Variants in RANBP17 observed in about 807,000 individuals in gnomAD.
The protein encoded by RANBP17 is RAN binding protein 17, also known as ran-binding protein 17.
In RANBP17, 158 loss-of-function variants were observed where a neutral mutation model predicts 141.2. That is an observed-to-expected ratio of 1.12 (90% CI 0.98 to 1.28). The LOEUF is 1.28. RANBP17 is among the 50% of genes most tolerant of loss of function. RANBP17 has a pLI of 0.00. For synonymous variants in RANBP17, 430 were observed against 450.0 expected, an observed-to-expected ratio of 0.96 and a Z score of 0.56; for missense variants, 1,438 against 1,290.7, an observed-to-expected ratio of 1.11 and a Z score of -1.75.
chr5:171,119,962 A>G (rs1755903677), intron 14 of RANBP17, among the ~76,000 whole-genome samples: 1 of 147,618 alleles, frequency 6.8e-6, no homozygotes, highest in Admixed American at 7.0e-5. Flanking sequence ...GCTTGAACCC[A>G]GGAGGTGGAG....
intron 12 of RANBP17, among the ~76,000 whole-genome samples, chr5:170,933,834 C>G (rs1178566587): frequency 6.6e-6 from 1 of 152,084 alleles, no homozygotes; most frequent in Non-Finnish European, 1.5e-5. Context: ...TTACTTCCAA[C>G]TATGTGGTCA....
intron 22 of RANBP17, among the ~76,000 whole-genome samples, chr5:171,235,911 A>G (rs1304099349): frequency 6.6e-6 from 1 of 152,200 alleles, no homozygotes; most frequent in African/African-American, 2.4e-5. Flanking sequence ...AATATTTTTA[A>G]TAAGTGTCAC....
chr5:170,974,612 G>A (rs1328246044), intron 14 of RANBP17, among the ~76,000 whole-genome samples: 1 of 152,096 alleles, frequency 6.6e-6, no homozygotes, highest in Non-Finnish European at 1.5e-5. Context: ...ACTTTCTCTG[G>A]TGGCCCTGTC....
At chr5:170,876,124 C>T (rs1466205926) in intron 1 of RANBP17, among the ~76,000 whole-genome samples, 1 of 152,156 alleles carries the variant, frequency 6.6e-6, no homozygotes, top group Non-Finnish European at 1.5e-5. Context: ...CTGTTCCTTT[C>T]TCTGGGATCT....
At chr5:170,863,524 C>T (rs1227855473) in intron 1 of RANBP17, 1 of 152,062 alleles carries the variant, frequency 6.6e-6, no homozygotes, top group Non-Finnish European at 1.5e-5. Context: ...GACTTCATGC[C>T]ATTTCTAAGG....
At chr5:171,203,160 A>G (rs1333466244) in intron 19 of RANBP17, among the ~76,000 whole-genome samples, 3 of 152,178 alleles carry the variant, frequency 2.0e-5, no homozygotes, top group African/African-American at 7.2e-5. Context: ...CTTCAGACCA[A>G]TCTTGTGTTG....
At chr5:170,868,035 C>T (rs1767417407) in intron 1 of RANBP17, among the ~76,000 whole-genome samples, 1 of 152,142 alleles carries the variant, frequency 6.6e-6, no homozygotes. Flanking sequence ...ACTATCAACA[C>T]GTGTGGCTTT....
chr5:171,126,748 A>T (rs563839596), intron 14 of RANBP17, among the ~76,000 whole-genome samples: 2 of 152,312 alleles, frequency 1.3e-5, no homozygotes, highest in South Asian at 4.1e-4. Context: ...TTCTGTACAC[A>T]TACAACTTAC....
At chr5:171,105,755 T>C (rs1754781315) in intron 14 of RANBP17, among the ~76,000 whole-genome samples, 1 of 152,158 alleles carries the variant, frequency 6.6e-6, no homozygotes, top group Non-Finnish European at 1.5e-5. Context: ...CTTATATCTT[T>C]GACTTGCAAA....
intron 22 of RANBP17, among the ~76,000 whole-genome samples, chr5:171,237,106 G>A (rs146720831): frequency 5.0e-4 from 76 of 152,148 alleles, no homozygotes; most frequent in Admixed American, 1.4e-3. Flanking sequence ...GGTCGCAGAT[G>A]AGCAGGAGAT....
chr5:170,931,849 C>T (rs1773417820), intron 12 of RANBP17, among the ~76,000 whole-genome samples: 1 of 152,184 alleles, frequency 6.6e-6, no homozygotes, highest in Non-Finnish European at 1.5e-5. Context: ...ATGATGCCTC[C>T]AGCTTTGTTC....
intron 12 of RANBP17, among the ~76,000 whole-genome samples, chr5:170,950,282 G>A (rs997834353): frequency 6.6e-6 from 1 of 151,938 alleles, no homozygotes; most frequent in African/African-American, 2.4e-5. Context: ...AAAGGAAACA[G>A]TCAACAGAGT....
chr5:171,196,737 A>G (rs1762001806), intron 18 of RANBP17, among the ~76,000 whole-genome samples: 1 of 152,234 alleles, frequency 6.6e-6, no homozygotes, highest in African/African-American at 2.4e-5. Context: ...AGGTGAGCAC[A>G]CTAAGGCTTT....
intron 14 of RANBP17, among the ~76,000 whole-genome samples, chr5:171,156,092 G>T (rs971635920): frequency 5.3e-5 from 8 of 152,082 alleles, no homozygotes; most frequent in African/African-American, 1.9e-4. Context: ...GATATGTGAA[G>T]ATAATATTCT....
At chr5:170,946,150 A>G in intron 12 of RANBP17, among the ~76,000 whole-genome samples, 1 of 152,168 alleles carries the variant, frequency 6.6e-6, no homozygotes, top group Admixed American at 6.6e-5. Context: ...GAATATAGAT[A>G]CAGTACTTAG....
chr5:171,029,112 A>G (rs1161798117), intron 14 of RANBP17: 1 of 249,914 alleles, frequency 4.0e-6, no homozygotes, highest in Non-Finnish European at 8.0e-6. Flanking sequence ...GTCCCCAGAG[A>G]GATAATACAA....
intron 1 of RANBP17, among the ~76,000 whole-genome samples, chr5:170,869,630 A>G (rs1167236796): frequency 6.6e-6 from 1 of 152,220 alleles, no homozygotes; most frequent in Non-Finnish European, 1.5e-5. Flanking sequence ...GTCTCTGCCT[A>G]CATCTTCATA....
intron 1 of RANBP17, among the ~76,000 whole-genome samples, chr5:170,876,125 T>C (rs1768157140): frequency 6.6e-6 from 1 of 152,176 alleles, no homozygotes; most frequent in Admixed American, 6.5e-5. Flanking sequence ...TGTTCCTTTC[T>C]CTGGGATCTC....
intron 14 of RANBP17, among the ~76,000 whole-genome samples, chr5:171,098,164 G>T (rs1786841119): frequency 6.6e-6 from 1 of 152,130 alleles, no homozygotes; most frequent in South Asian, 2.1e-4. Flanking sequence ...TAATAGGATT[G>T]CTGGGTCAAA....
Sources: gnomAD v4.1 joint callset for allele counts (sites outside exome capture counted in the v4.1 genomes callset) on GRCh38, gnomAD v4.1.1 for gene constraint, MANE v1.5 for transcripts, NCBI Gene and HGNC (gene_info 2026-07-23, HGNC 2026-07-21) for gene names.